THSD7B: variants seen among roughly 807,000 people sequenced by gnomAD.
The protein encoded by THSD7B is thrombospondin type-1 domain-containing protein 7B.
Under a neutral mutation model 213.6 loss-of-function variants are expected in THSD7B, and 138 were observed. The observed-to-expected ratio is 0.65, with a 90% CI of 0.56 to 0.74. The LOEUF is 0.74. Ranked by LOEUF, THSD7B falls within the 30% of genes least tolerant of loss-of-function variation. THSD7B has a pLI of 0.00. For synonymous variants in THSD7B, 742 were observed against 687.0 expected, an observed-to-expected ratio of 1.08 and a Z score of -1.25; for missense variants, 1,931 against 1,991.5, an observed-to-expected ratio of 0.97 and a Z score of 0.58.
chr2:137,530,666 T>C (rs1277082151), intron 15 of THSD7B, among the ~76,000 whole-genome samples: 1 of 151,934 alleles, frequency 6.6e-6, no homozygotes, highest in African/African-American at 2.4e-5. Context: ...TGTTATGGGG[T>C]GTTCTGGGGA....
intron 12 of THSD7B, among the ~76,000 whole-genome samples, chr2:137,393,487 A>G (rs867744985): frequency 3.4e-5 from 5 of 149,226 alleles, no homozygotes; most frequent in Admixed American, 1.3e-4. Flanking sequence ...AAAGCACATG[A>G]ACTCATCATT....
At chr2:137,105,024 T>C (rs1242897136) in intron 4 of THSD7B, among the ~76,000 whole-genome samples, 2 of 151,952 alleles carry the variant, frequency 1.3e-5, no homozygotes, top group South Asian at 2.1e-4. Context: ...TTCCAAACAA[T>C]AGAAAAAGAG....
chr2:137,117,616 C>T (rs1267449357), intron 5 of THSD7B, among the ~76,000 whole-genome samples: 6 of 152,122 alleles, frequency 3.9e-5, no homozygotes, highest in Admixed American at 3.9e-4. Context: ...TCTCTCTGTT[C>T]ACTCTGGAGT....
At chr2:137,068,292 G>T (rs1028286656) in intron 3 of THSD7B, among the ~76,000 whole-genome samples, 1 of 152,004 alleles carries the variant, frequency 6.6e-6, no homozygotes, top group African/African-American at 2.4e-5. Flanking sequence ...TTGAACCAAA[G>T]CATTTTTCTT....
chr2:136,935,523 G>A (rs1684707267), intron 2 of THSD7B, among the ~76,000 whole-genome samples: 1 of 152,110 alleles, frequency 6.6e-6, no homozygotes, highest in African/African-American at 2.4e-5. Context: ...CCAATCACTA[G>A]CTACTTTAAG....
At chr2:136,896,956 A>AT (rs34871634) in intron 2 of THSD7B, among the ~76,000 whole-genome samples, 57,323 of 150,096 alleles carry the variant, frequency 0.38, 12,334 homozygotes, top group Non-Finnish European at 0.5. Context: ...ATATATATAT[A>AT]TTTTTTTAAG....
At chr2:137,670,899 C>G (rs536527008) in intron 27 of THSD7B, among the ~76,000 whole-genome samples, 1 of 130,106 alleles carries the variant, frequency 7.7e-6, no homozygotes, top group East Asian at 2.3e-4. Flanking sequence ...GCAGCGTGGG[C>G]GACAGAGTGA....
rs758191211 is a variant in THSD7B, at chr2:137,056,656, C to G, written c.376C>G (p.Pro126Ala). Residue 126 changes from proline (P) to alanine (A), a missense_variant, in exon 3 of 28, where the codon CCT becomes GCT. Physicochemically the swap from Pro to Ala is conservative, Grantham distance 27. Transcript: ENST00000409968. ...LVPYARGEVK[P>A]RTAECVTAQH... The stretch of plus-strand genomic sequence containing the variant: ...TCCTTACGCTCGCGGTGAAGTCAAG[C>G]CTCGGACTGCAGAGTGTGTGACGGC... The G allele has an allele frequency of 1.4e-5, 23 of 1,613,968 alleles. No homozygotes were observed. In the Admixed American group the frequency reaches 3.8e-4, roughly 27 times the overall value.
chr2:136,926,458 T>C (rs1684526792), intron 2 of THSD7B, among the ~76,000 whole-genome samples: 1 of 151,828 alleles, frequency 6.6e-6, no homozygotes. Context: ...TTTGGGAGGA[T>C]GAGGCAGGCA....
intron 1 of THSD7B, among the ~76,000 whole-genome samples, chr2:136,877,824 T>A (rs1428935433): frequency 6.6e-6 from 1 of 152,098 alleles, no homozygotes; most frequent in Non-Finnish European, 1.5e-5. Context: ...CAATGTCTTT[T>A]CCTGGGGGGA....
chr2:137,624,081 T>C (rs556441626), intron 20 of THSD7B, among the ~76,000 whole-genome samples: 2 of 152,258 alleles, frequency 1.3e-5, no homozygotes, highest in African/African-American at 4.8e-5. Context: ...CAAACTATAC[T>C]ACAAGGCTAC....
rs186777915 is a variant in THSD7B, at chr2:137,389,708, A to C, written c.2501-15905A>C. 2.6e-5 allele frequency among the ~76,000 whole-genome samples: 4 copies of C among 151,834 alleles called. No homozygotes were observed. The East Asian group carries it at 5.8e-4, about 22-fold the overall frequency. On this transcript the variant is annotated intron_variant, in intron 12 of 27. Coordinates refer to ENST00000409968, the MANE Select transcript of THSD7B (RefSeq NM_001316349.2). ...TAGTATTTTTATACTTTTGCATCTT[A>C]TGCTTAGGTTTTAAACAATTTTGAG...
chr2:137,120,123 C>T (rs368691578), intron 5 of THSD7B, among the ~76,000 whole-genome samples: 6 of 152,120 alleles, frequency 3.9e-5, no homozygotes, highest in East Asian at 3.9e-4. Context: ...GCAGAGATAA[C>T]GGGATAAAAT....
At chr2:137,319,941 G>A (rs562890913) in intron 12 of THSD7B, among the ~76,000 whole-genome samples, 23 of 152,276 alleles carry the variant, frequency 1.5e-4, no homozygotes, top group African/African-American at 5.5e-4. Flanking sequence ...CCTGGCTCAT[G>A]GATGAGACTC....
At chr2:136,998,108 T>A (rs1558881590) in intron 2 of THSD7B, among the ~76,000 whole-genome samples, 1 of 151,872 alleles carries the variant, frequency 6.6e-6, no homozygotes, top group Non-Finnish European at 1.5e-5. Context: ...GAAACCTCAC[T>A]CAATGCCGTG....
At chr2:136,936,879 T>C (rs1249802871) in intron 2 of THSD7B, among the ~76,000 whole-genome samples, 1 of 152,112 alleles carries the variant, frequency 6.6e-6, no homozygotes, top group African/African-American at 2.4e-5. Context: ...TACATCTTCC[T>C]AAATGCCAAT....
At chr2:136,993,690 A>G (rs1685828579) in intron 2 of THSD7B, among the ~76,000 whole-genome samples, 1 of 152,212 alleles carries the variant, frequency 6.6e-6, no homozygotes, top group East Asian at 1.9e-4. Context: ...GTGAAAAACA[A>G]CAACAAGAAC....
intron 12 of THSD7B, among the ~76,000 whole-genome samples, chr2:137,282,708 T>C (rs1683058341): frequency 2.0e-5 from 3 of 152,188 alleles, no homozygotes; most frequent in Admixed American, 1.3e-4. Context: ...AAAGATCAGA[T>C]AGTTGTAGAT....
At chr2:137,563,384 A>T in intron 16 of THSD7B, 30 bp downstream of exon 16, 1 of 1,610,162 alleles carries the variant, frequency 6.2e-7, no homozygotes, top group Non-Finnish European at 8.5e-7. Context: ...TTTGGGAAAT[A>T]GGGGGAAGTG....
Sources: allele counts gnomAD v4.1 joint callset (sites outside exome capture counted in the v4.1 genomes callset), GRCh38; gene constraint gnomAD v4.1.1; transcripts MANE v1.5; gene names NCBI Gene and HGNC (gene_info 2026-07-23, HGNC 2026-07-21).